Variants in GRID1 observed in about 807,000 individuals in gnomAD.
GRID1 encodes glutamate ionotropic receptor delta type subunit 1, also known as glutamate receptor ionotropic, delta-1.
A neutral mutation model predicts 98.0 loss-of-function variants in GRID1; 28 were observed. The ratio of observed to expected loss-of-function variants is 0.29; its 90% CI spans 0.21 to 0.39. The LOEUF is 0.39. GRID1 is among the 10% of genes least tolerant of loss of function. The pLI, the probability that GRID1 is intolerant of heterozygous loss-of-function variation, is 1.00. For missense variants in GRID1, 1,111 were observed against 1,340.5 expected, an observed-to-expected ratio of 0.83 and a Z score of 2.67; for synonymous variants, 553 against 538.5, an observed-to-expected ratio of 1.03 and a Z score of -0.37.
At chr10:86,312,595 C>G (rs951517166) in intron 2 of GRID1, among the ~76,000 whole-genome samples, 1 of 152,228 alleles carries the variant, frequency 6.6e-6, no homozygotes, top group Non-Finnish European at 1.5e-5. Context: ...AGGAAGGTTC[C>G]GATCTTGGTT....
intron 13 of GRID1, among the ~76,000 whole-genome samples, chr10:85,632,513 C>T (rs753491792): frequency 2.5e-4 from 38 of 152,048 alleles, no homozygotes; most frequent in South Asian, 2.1e-4. Flanking sequence ...ATGATGCTGG[C>T]GGTGTTGGAA....
At chr10:85,613,103 A>G in intron 15 of GRID1, 1 of 375,774 alleles carries the variant, frequency 2.7e-6, no homozygotes, top group Non-Finnish European at 4.8e-6. Context: ...TGGGCGGGGC[A>G]GGGTAGGGAA....
Position 86,163,043 on chromosome 10 carries a change from A to G in GRID1, c.521-24019T>C, listed in dbSNP as rs528718234. Reference sequence around the variant, plus strand: ...AGGGTATAAGAACCTGAGGAAACACAGGGGCTGAGATTCCAAAACTGAGGG... The same window carrying G: ...AGGGTATAAGAACCTGAGGAAACACGGGGGCTGAGATTCCAAAACTGAGGG... On this transcript the variant is annotated intron_variant, in intron 3 of 15. Coordinates refer to ENST00000327946, the MANE Select transcript of GRID1 (RefSeq NM_017551.3). Among the ~76,000 whole-genome samples the G allele has an allele frequency of 1.2e-4, 18 of 152,338 alleles. No individual in the cohort carries two copies. In the South Asian group the frequency reaches 3.7e-3, roughly 32 times the overall value.
chr10:85,869,084 T>G lies in GRID1; in HGVS notation c.877A>C (p.Lys293Gln), dbSNP rs1843251316. The G allele has an allele frequency of 1.2e-6, 2 of 1,614,014 alleles. No individual in the cohort carries two copies. The highest frequency in any genetic ancestry group is 2.2e-5 in the South Asian group (2 of 91,068). Reference protein sequence around the residue: ...QIFPSAKDNQKCTRNNHRISS... With the variant: ...QIFPSAKDNQQCTRNNHRISS... ...ATGCGGTGGTTGTTCCTCGTGCATT[T>G]CTGATTGTCCTTTGCAGACGGAAAG... Residue 293 changes from lysine (K) to glutamine (Q), a missense_variant, in exon 6 of 16, where the codon AAA becomes CAA. Coordinates refer to ENST00000327946, the MANE Select transcript of GRID1 (RefSeq NM_017551.3).
At chr10:85,719,949 T>C (rs1841681659) in intron 12 of GRID1, among the ~76,000 whole-genome samples, 2 of 152,182 alleles carry the variant, frequency 1.3e-5, no homozygotes, top group African/African-American at 4.8e-5. Flanking sequence ...TTTGACCTCA[T>C]CAAAATTAAA....
intron 8 of GRID1, among the ~76,000 whole-genome samples, chr10:85,835,045 T>C (rs926027732): frequency 2.0e-5 from 3 of 152,168 alleles, no homozygotes; most frequent in Non-Finnish European, 4.4e-5. Flanking sequence ...GGAGTGACTA[T>C]ATTAATATCA....
At chr10:85,684,901 G>A (rs1437380547) in intron 12 of GRID1, among the ~76,000 whole-genome samples, 1 of 152,040 alleles carries the variant, frequency 6.6e-6, no homozygotes, top group African/African-American at 2.4e-5. Flanking sequence ...TTCTTACAAG[G>A]CCACAGTCAT....
At chr10:85,967,208 T>C (rs1351815894) in intron 4 of GRID1, among the ~76,000 whole-genome samples, 1 of 152,216 alleles carries the variant, frequency 6.6e-6, no homozygotes. Context: ...AATTACTCAG[T>C]TCCAGGTATG....
intron 2 of GRID1, among the ~76,000 whole-genome samples, chr10:86,346,977 G>A (rs899044357): frequency 2.6e-5 from 4 of 152,122 alleles, no homozygotes; most frequent in Admixed American, 1.3e-4. Context: ...GCCCAGGCCC[G>A]GTACCCTGCG....
intron 4 of GRID1, among the ~76,000 whole-genome samples, chr10:85,936,628 G>A (rs1214439323): frequency 6.6e-6 from 1 of 152,134 alleles, no homozygotes; most frequent in Non-Finnish European, 1.5e-5. Context: ...TCTGTTTGTT[G>A]CCTTGCCTAC....
intron 8 of GRID1, among the ~76,000 whole-genome samples, chr10:85,825,736 A>G (rs1451454530): frequency 6.6e-6 from 1 of 152,240 alleles, no homozygotes; most frequent in Non-Finnish European, 1.5e-5. Flanking sequence ...ATATGGTAAG[A>G]GAGAAATGCA....
Position 86,340,226 on chromosome 10 carries a change from G to A in GRID1, c.235+23715C>T, listed in dbSNP as rs554485856. On this transcript the variant is annotated intron_variant, in intron 2 of 15. Transcript: ENST00000327946. ...CACTCAGACGCCCAGCTGAGAGTGCGGGGATGAAATGAGGAGAGATGCATA... is the reference window on the plus strand; with the variant it reads ...CACTCAGACGCCCAGCTGAGAGTGCAGGGATGAAATGAGGAGAGATGCATA... Among the ~76,000 whole-genome samples, 6 of 152,292 alleles carry A rather than the reference G, an allele frequency of 3.9e-5. No individual in the cohort carries two copies. In the South Asian group the frequency reaches 8.3e-4, roughly 21 times the overall value.
intron 8 of GRID1, among the ~76,000 whole-genome samples, chr10:85,843,273 A>C (rs983833806): frequency 4.6e-5 from 7 of 152,090 alleles, no homozygotes; most frequent in African/African-American, 1.7e-4. Flanking sequence ...AAACTTCACA[A>C]TGTCTAAAAT....
chr10:85,869,766 T>C (rs1417079347), intron 5 of GRID1, among the ~76,000 whole-genome samples: 1 of 152,206 alleles, frequency 6.6e-6, no homozygotes, highest in East Asian at 1.9e-4. Flanking sequence ...CCCTATCCTG[T>C]CCCATAAATC....
chr10:86,216,845 T>C (rs952467981), intron 2 of GRID1, among the ~76,000 whole-genome samples: 2 of 151,920 alleles, frequency 1.3e-5, no homozygotes, highest in South Asian at 2.1e-4. Flanking sequence ...GCCCAGGACA[T>C]AGACTAAGGG....
At chr10:86,273,208 C>T (rs1847212539) in intron 2 of GRID1, among the ~76,000 whole-genome samples, 1 of 151,238 alleles carries the variant, frequency 6.6e-6, no homozygotes, top group African/African-American at 2.4e-5. Flanking sequence ...TGATGATTTC[C>T]AATTTCATCC....
chr10:85,932,090 C>G (rs1841861526), intron 4 of GRID1, among the ~76,000 whole-genome samples: 1 of 152,216 alleles, frequency 6.6e-6, no homozygotes, highest in Admixed American at 6.5e-5. Context: ...TCTGGAGTTT[C>G]TGGGTGCTGA....
At chr10:85,671,120 G>A in intron 12 of GRID1, among the ~76,000 whole-genome samples, 1 of 152,182 alleles carries the variant, frequency 6.6e-6, no homozygotes, top group Admixed American at 6.5e-5. Context: ...TAAGTCAACA[G>A]AACTCTACTG....
chr10:85,883,013 AT>A (rs1407663807), intron 5 of GRID1, among the ~76,000 whole-genome samples: 1 of 151,840 alleles, frequency 6.6e-6, no homozygotes, highest in Non-Finnish European at 1.5e-5. Flanking sequence ...ATTGTTTATT[AT>A]TTTTTCTTCT....
Sources: allele counts gnomAD v4.1 joint callset (sites outside exome capture counted in the v4.1 genomes callset), GRCh38; gene constraint gnomAD v4.1.1; transcripts MANE v1.5; gene names NCBI Gene and HGNC (gene_info 2026-07-23, HGNC 2026-07-21).